The following ATP13A5 variants were observed in gnomAD, a reference collection of about 807,000 sequenced individuals.
ATP13A5 encodes the protein ATPase 13A5, also known as probable cation-transporting ATPase 13A5.
A neutral mutation model predicts 150.2 loss-of-function variants in ATP13A5; 149 were observed. That is an observed-to-expected ratio of 0.99 (90% confidence interval 0.87 to 1.14). ATP13A5 has a LOEUF of 1.14. ATP13A5 is among the 50% of genes most tolerant of loss of function. The pLI, the probability that ATP13A5 is intolerant of heterozygous loss-of-function variation, is 0.00. For synonymous variants in ATP13A5, 497 were observed against 522.2 expected, an observed-to-expected ratio of 0.95 and a Z score of 0.66; for missense variants, 1,383 against 1,449.3, an observed-to-expected ratio of 0.95 and a Z score of 0.74.
At chr3:193,375,371 C>A (rs1456999350) in intron 1 of ATP13A5, among the ~76,000 whole-genome samples, 4 of 152,172 alleles carry the variant, frequency 2.6e-5, no homozygotes, top group African/African-American at 9.7e-5. Flanking sequence ...GCTATATAAC[C>A]TGGAGGCTTC....
rs150611483 is a variant in ATP13A5, at chr3:193,327,646, T to C, written c.1462-589A>G. On this transcript the variant is annotated intron_variant, in intron 12 of 29. Transcript: ENST00000342358. The stretch of plus-strand genomic sequence containing the variant: ...TTTTATTTTTAGATCAAGGGAAAAA[T>C]AGTTCAGAGATTTGATTCGCCATAC... 4.2e-3 allele frequency among the ~76,000 whole-genome samples: 634 copies of C among 152,308 alleles called. 3 individuals are homozygous for C. The highest frequency in any genetic ancestry group is 0.015 in the African/African-American group (614 of 41,554).
rs778599153 is a variant in ATP13A5, at chr3:193,351,039, A to G, written c.741+28T>C. 4.3e-6 allele frequency: 7 copies of G among 1,610,426 alleles called. No homozygotes were observed. In the African/African-American group the frequency reaches 9.3e-5, roughly 22 times the overall value. ...TTACTTCTTTAGCTAGAAGCTAAAT[A>G]GAATCTGGCTGTGATTTCAGGTCTT... On this transcript the variant is annotated intron_variant, in intron 7 of 29. Coordinates refer to ENST00000342358, the MANE Select transcript of ATP13A5 (RefSeq NM_198505.4).
intron 27 of ATP13A5, among the ~76,000 whole-genome samples, chr3:193,284,007 GATTATTATTATT>G (rs3048432): frequency 2.2e-4 from 31 of 141,904 alleles, no homozygotes; most frequent in African/African-American, 7.6e-4. Flanking sequence ...TTGGCCTGCG[GATTATTATTATT>G]ATTATTATTA....
Position 193,290,047 on chromosome 3 carries a change from T to C in ATP13A5, c.2861A>G (p.His954Arg). 6.2e-7 allele frequency: 1 copy of C among 1,601,994 alleles called. No individual in the cohort carries two copies. The highest frequency in any genetic ancestry group is 8.5e-7 in the Non-Finnish European group (1 of 1,176,322). Residue 954 changes from histidine (H) to arginine (R), a missense_variant, in exon 26 of 30, where the codon CAT becomes CGT. This residue lies in a region of ATP13A5 where 568 missense variants were observed against 621.5 expected (regional missense o/e 0.91). Coordinates refer to ENST00000342358, the MANE Select transcript of ATP13A5 (RefSeq NM_198505.4). The part of the protein sequence containing the change: ...LMVCLTMSST[H>R]AYPKLAPYRP... ...ATATGGAGCCAGCTTTGGGTAGGCA[T>C]GAGTTGAACTCACTGAAAGACAAAT...
chr3:193,317,159 G>A (rs950640796), intron 17 of ATP13A5, among the ~76,000 whole-genome samples: 3 of 152,152 alleles, frequency 2.0e-5, no homozygotes, highest in Non-Finnish European at 4.4e-5. Context: ...TCCCTGCAAT[G>A]CTCTTCCTCT....
At chr3:193,322,220 T>C (rs1414324253) in intron 15 of ATP13A5, among the ~76,000 whole-genome samples, 1 of 152,232 alleles carries the variant, frequency 6.6e-6, no homozygotes, top group African/African-American at 2.4e-5. Flanking sequence ...GATTTTTCTA[T>C]GAGTCTACCT....
Position 193,311,929 on chromosome 3 carries a change from G to A in ATP13A5, c.2332C>T (p.His778Tyr). The change falls in exon 20 of 30, where the codon CAT (histidine) becomes TAT (tyrosine). Residue 778 changes from histidine (H) to tyrosine (Y), a missense_variant. This residue lies in a region of ATP13A5 where 568 missense variants were observed against 621.5 expected (regional missense o/e 0.91). Coordinates refer to ENST00000342358, the MANE Select transcript of ATP13A5 (RefSeq NM_198505.4). ...CGAGGGGTTGAACTGTTTCCAGTAT[G>A]CATGTAGATTTCCTAAAATCAAAAG... is the stretch of plus-strand genomic sequence containing the variant. ...TGPGKKEIYM[H>Y]TGNSSTPRGE... 2 of 1,613,688 alleles carry A rather than the reference G, an allele frequency of 1.2e-6. No homozygotes were observed. The highest frequency in any genetic ancestry group is 1.7e-6 in the Non-Finnish European group (2 of 1,179,754).
At chr3:193,336,233 G>GT (rs1711854454) in intron 9 of ATP13A5, among the ~76,000 whole-genome samples, 2 of 151,720 alleles carry the variant, frequency 1.3e-5, no homozygotes, top group South Asian at 4.1e-4. Context: ...AAAACACATA[G>GT]TTTTTTCTTT....
At chr3:193,346,206 CT>C (rs1428580921) in intron 7 of ATP13A5, among the ~76,000 whole-genome samples, 7 of 152,074 alleles carry the variant, frequency 4.6e-5, no homozygotes, top group Admixed American at 3.9e-4. Flanking sequence ...ATGCTAAGAG[CT>C]CATGAGTGTT....
chr3:193,329,720 C>G (rs913323625), intron 12 of ATP13A5, among the ~76,000 whole-genome samples: 2 of 152,128 alleles, frequency 1.3e-5, no homozygotes, highest in African/African-American at 4.8e-5. Flanking sequence ...AAGAGATATA[C>G]CCCTTTCACC....
In ATP13A5 at chr3:193,276,830, A is replaced by C; in HGVS notation, c.3316T>G (p.Leu1106Val). 1.2e-6 allele frequency: 2 copies of C among 1,611,786 alleles called. No individual in the cohort carries two copies. Among genetic ancestry groups the C allele is most frequent in the South Asian group, 2.2e-5 (2 of 90,728 alleles). Residue 1106 changes from leucine to valine, a missense_variant and splice_region_variant, in exon 29 of 30, where the codon TTG (leucine) becomes GTG (valine). By Grantham distance (32) the Leu-to-Val change is conservative. Transcript: ENST00000342358. ...DFQVIYRGME[L>V]IPTITSWRVL... Reference sequence around the variant, plus strand: ...CTCCACGATGTTATGGTTGGGATCAACTGTTGAAAAACAAATACCATTATT... The same window carrying C: ...CTCCACGATGTTATGGTTGGGATCACCTGTTGAAAAACAAATACCATTATT...
rs141918116 is a variant in ATP13A5, at chr3:193,333,613, G to T, written c.1272+137C>A. The stretch of plus-strand genomic sequence containing the variant: ...GCAAACTAGGCATGAGAACATTTCC[G>T]CTGTCTAAGAAGCTCTTTTGGACAG... On this transcript the variant is annotated intron_variant, in intron 11 of 29. Transcript: ENST00000342358. The T allele has an allele frequency of 4.3e-4, 362 of 840,826 alleles. No homozygotes were observed. The African/African-American group carries it at 5.6e-3, about 13-fold the overall frequency. The allele number at this position is 840,826 out of a possible 1,614,324, so 52.1% of individuals were successfully genotyped here.
At chr3:193,301,962 C>T (rs923046026) in intron 23 of ATP13A5, among the ~76,000 whole-genome samples, 4 of 152,096 alleles carry the variant, frequency 2.6e-5, no homozygotes, top group African/African-American at 7.2e-5. Context: ...TAAAAAAATT[C>T]GGTCTTAGCT....
intron 27 of ATP13A5, among the ~76,000 whole-genome samples, chr3:193,281,845 G>A (rs1380036464): frequency 6.6e-6 from 1 of 152,174 alleles, no homozygotes; most frequent in South Asian, 2.1e-4. Flanking sequence ...GTCACTGTGA[G>A]GTAACTACCT....
At chr3:193,357,371 C>T (rs1454619759) in intron 5 of ATP13A5, among the ~76,000 whole-genome samples, 1 of 152,170 alleles carries the variant, frequency 6.6e-6, no homozygotes, top group African/African-American at 2.4e-5. Context: ...AGATCATCCT[C>T]TTTACGGTTC....
At chr3:193,286,642 C>A (rs1319375787) in intron 26 of ATP13A5, among the ~76,000 whole-genome samples, 2 of 152,174 alleles carry the variant, frequency 1.3e-5, no homozygotes, top group Non-Finnish European at 2.9e-5. Flanking sequence ...GCTTCACTGA[C>A]TGGCTGTTTC....
chr3:193,290,162 C>G, intron 25 of ATP13A5, 103 bp from the exon 26 acceptor site: 1 of 1,178,692 alleles, frequency 8.5e-7, no homozygotes, highest in Non-Finnish European at 1.2e-6. Context: ...GGGATTCAGA[C>G]TAAGCAAACA....
At chr3:193,317,021 G>T (rs1381627614) in intron 17 of ATP13A5, among the ~76,000 whole-genome samples, 2 of 152,156 alleles carry the variant, frequency 1.3e-5, no homozygotes, top group African/African-American at 4.8e-5. Flanking sequence ...AGCAAAAACA[G>T]GCAAATGTTC....
At chr3:193,334,024 C>G in intron 10 of ATP13A5, 117 bp from the exon 11 acceptor site, 4 of 911,678 alleles carry the variant, frequency 4.4e-6, no homozygotes, top group Non-Finnish European at 6.4e-6. Context: ...TCTACCTAAT[C>G]ATTTTATAAG....
Sources: allele counts gnomAD v4.1 joint callset (sites outside exome capture counted in the v4.1 genomes callset), GRCh38; gene constraint gnomAD v4.1.1; regional missense constraint gnomAD v4.1.1; transcripts MANE v1.5; gene names NCBI Gene and HGNC (gene_info 2026-07-23, HGNC 2026-07-21).